Variants in CNBD1 observed in about 807,000 individuals in gnomAD.
CNBD1 encodes cyclic nucleotide-binding domain-containing protein 1.
In CNBD1, 71 loss-of-function variants were observed where a neutral mutation model predicts 54.4. That is an observed-to-expected ratio of 1.30 (90% CI 1.08 to 1.59). The LOEUF (loss-of-function observed/expected upper bound fraction) is 1.59, where lower values mean the gene tolerates loss of function less well. CNBD1 is among the 40% of genes most tolerant of loss of function. The pLI is 0.00. For missense variants in CNBD1, 659 were observed against 518.0 expected, an observed-to-expected ratio of 1.27 and a Z score of -2.64; for synonymous variants, 182 against 170.7, an observed-to-expected ratio of 1.07 and a Z score of -0.51.
rs566882254 is a variant in CNBD1, at chr8:87,060,753, T to C, written c.431+120999T>C. On this transcript the variant is annotated intron_variant, in intron 4 of 10. Transcript: ENST00000518476. Reference sequence around the variant, plus strand: ...ACAACTAAAATAAAATTTTTAAAATTAAAAGAATGTTTTCATTAAATATGA... The same window carrying C: ...ACAACTAAAATAAAATTTTTAAAATCAAAAGAATGTTTTCATTAAATATGA... Among the ~76,000 whole-genome samples the C allele has an allele frequency of 3.4e-4, 52 of 152,172 alleles. 1 individual carries two copies. The highest frequency in any genetic ancestry group is 8.3e-4 in the South Asian group (4 of 4,830).
intron 5 of CNBD1, among the ~76,000 whole-genome samples, chr8:87,232,293 G>A (rs1171748125): frequency 6.6e-6 from 1 of 152,044 alleles, no homozygotes; most frequent in African/African-American, 2.4e-5. Flanking sequence ...AAATACCTAA[G>A]AATGAATTAC....
chr8:87,155,577 A>C (rs1470088448), intron 4 of CNBD1, among the ~76,000 whole-genome samples: 1 of 152,212 alleles, frequency 6.6e-6, no homozygotes, highest in East Asian at 1.9e-4. Context: ...TGAGAGAGAC[A>C]ATCTAGCACA....
chr8:87,288,146 G>A lies in CNBD1; in HGVS notation c.1042+1475G>A, dbSNP rs149910419. The stretch of plus-strand genomic sequence containing the variant: ...CCAGGTCCCAGTGATTCAAGTACCT[G>A]TAATGATGATGCCTTTTTGTTCCTT... On this transcript the variant is annotated intron_variant, in intron 8 of 10. Coordinates refer to ENST00000518476, the MANE Select transcript of CNBD1 (RefSeq NM_173538.3). 3.1e-3 allele frequency among the ~76,000 whole-genome samples: 474 copies of A among 152,134 alleles called. 2 individuals carry two copies. The highest frequency in any genetic ancestry group is 0.011 in the African/African-American group (440 of 41,536).
intron 2 of CNBD1, among the ~76,000 whole-genome samples, chr8:87,395,640 G>A (rs76230133): frequency 4.6e-5 from 7 of 151,932 alleles, no homozygotes; most frequent in Non-Finnish European, 8.8e-5. Context: ...GCAGTAGAGG[G>A]GGTGGTATCA....
chr8:87,304,207 T>C (rs1338701304), intron 8 of CNBD1, among the ~76,000 whole-genome samples: 2 of 151,864 alleles, frequency 1.3e-5, no homozygotes, highest in Admixed American at 1.3e-4. Context: ...TGCGGCACTA[T>C]TCACAATAGC....
chr8:87,390,131 A>C (rs1048436298), intron 2 of CNBD1, among the ~76,000 whole-genome samples: 3 of 151,780 alleles, frequency 2.0e-5, no homozygotes. Flanking sequence ...GTTAGACCTA[A>C]AACCATAAAA....
rs559786592 is a variant in CNBD1, at chr8:86,974,676, G to T, written c.431+34922G>T. On this transcript the variant is annotated intron_variant, in intron 4 of 10. Transcript: ENST00000518476. ...AATTATGGTTAATAATGTGCAACAT[G>T]ATTCCATTTGTATCAAATTTGAAAA... Among the ~76,000 whole-genome samples the T allele has an allele frequency of 3.3e-5, 5 of 151,992 alleles. No individual in the cohort carries two copies. The East Asian group carries it at 9.6e-4, about 29-fold the overall frequency.
At position 87,378,817 on chromosome 8, in the gene CNBD1, G is replaced by A. The variant is rs62526828; in HGVS notation, c.1304-3803G>A. 9.4e-5 allele frequency among the ~76,000 whole-genome samples: 14 copies of A among 149,640 alleles called. No individual in the cohort carries two copies. In the South Asian group the frequency reaches 1.5e-3, roughly 16 times the overall value. ...AATGTTCTTCCATTTGTTTGTATCC[G>A]CTTTTATTTCCTTGAGCAGTGGTTT... On this transcript the variant is annotated intron_variant, in intron 10 of 10. Coordinates refer to ENST00000518476, the MANE Select transcript of CNBD1 (RefSeq NM_173538.3).
At chr8:86,973,325 C>T (rs1287099414) in intron 4 of CNBD1, among the ~76,000 whole-genome samples, 1 of 152,176 alleles carries the variant, frequency 6.6e-6, no homozygotes, top group Non-Finnish European at 1.5e-5. Flanking sequence ...ATCTTTTAAA[C>T]ATCTATCTAT....
chr8:87,421,993 T>C lies in CNBD1; in HGVS notation c.214-6553T>C, dbSNP rs548888020. Reference sequence around the variant, plus strand: ...TAACTGGTATGAGATGGTATCTCATTGTGGTTTTGATTTGCATTTCTCTGA... The same window carrying C: ...TAACTGGTATGAGATGGTATCTCATCGTGGTTTTGATTTGCATTTCTCTGA... On this transcript the variant is annotated intron_variant, in intron 2 of 7. Coordinates refer to the CNBD1 transcript ENST00000521593. 8.4e-3 allele frequency among the ~76,000 whole-genome samples: 1,257 copies of C among 150,100 alleles called. 5 individuals carry two copies. The highest frequency in any genetic ancestry group is 0.014 in the Non-Finnish European group (952 of 67,852).
At chr8:87,009,953 C>G (rs796453628) in intron 4 of CNBD1, among the ~76,000 whole-genome samples, 3 of 152,104 alleles carry the variant, frequency 2.0e-5, no homozygotes, top group Non-Finnish European at 4.4e-5. Flanking sequence ...TGTTCCTCAT[C>G]CTTCTTTTGT....
At chr8:87,426,444 A>T (rs1808052499) in intron 2 of CNBD1, among the ~76,000 whole-genome samples, 1 of 152,224 alleles carries the variant, frequency 6.6e-6, no homozygotes, top group Admixed American at 6.5e-5. Flanking sequence ...TTATTATGAC[A>T]AAATGATGTT....
intron 4 of CNBD1, among the ~76,000 whole-genome samples, chr8:87,201,021 C>G (rs903108938): frequency 6.6e-6 from 1 of 151,944 alleles, no homozygotes; most frequent in African/African-American, 2.4e-5. Context: ...CAAACTAAAT[C>G]CAGAAACATA....
At chr8:87,427,305 C>A (rs1421262561) in intron 2 of CNBD1, among the ~76,000 whole-genome samples, 1 of 152,128 alleles carries the variant, frequency 6.6e-6, no homozygotes, top group Non-Finnish European at 1.5e-5. Flanking sequence ...AATTGTTTCA[C>A]TGCTTTTAAA....
rs183010244 is a variant in CNBD1 at position 87,353,810 on chromosome 8, C to A, written c.1303+24C>A. 1.9e-3 allele frequency: 2,956 copies of A among 1,545,504 alleles called. 18 individuals carry two copies. The highest frequency in any genetic ancestry group is 0.011 in the South Asian group (872 of 82,506). The stretch of plus-strand genomic sequence containing the variant: ...TGGTAAATGCATAAATATCTTTTAA[C>A]TGTTATACCATTTTATTGGATGAGT... On this transcript the variant is annotated intron_variant, in intron 10 of 10. Coordinates refer to ENST00000518476, the MANE Select transcript of CNBD1 (RefSeq NM_173538.3).
intron 8 of CNBD1, among the ~76,000 whole-genome samples, chr8:87,303,953 G>C (rs1809080546): frequency 6.6e-6 from 1 of 152,072 alleles, no homozygotes; most frequent in Admixed American, 6.6e-5. Context: ...TCTCACACCA[G>C]TTAGAATGTC....
intron 8 of CNBD1, among the ~76,000 whole-genome samples, chr8:87,319,031 T>C (rs767091773): frequency 5.9e-5 from 9 of 152,172 alleles, no homozygotes; most frequent in Non-Finnish European, 1.0e-4. Context: ...AAATCATGGG[T>C]TCATTAAAAT....
chr8:87,303,795 A>G (rs935470820), intron 8 of CNBD1, among the ~76,000 whole-genome samples: 1 of 150,408 alleles, frequency 6.6e-6, no homozygotes, highest in Non-Finnish European at 1.5e-5. Context: ...TACAAGAAAA[A>G]AAATAAACAA....
intron 6 of CNBD1, among the ~76,000 whole-genome samples, chr8:87,277,716 G>T (rs929473255): frequency 6.6e-6 from 1 of 151,530 alleles, no homozygotes; most frequent in Non-Finnish European, 1.5e-5. Context: ...ATTGGTTGGG[G>T]CCATTTAGTC....
Sources: gnomAD v4.1 joint callset for allele counts (sites outside exome capture counted in the v4.1 genomes callset) on GRCh38, gnomAD v4.1.1 for gene constraint, MANE v1.5 for transcripts, NCBI Gene and HGNC (gene_info 2026-07-23, HGNC 2026-07-21) for gene names.